Variants in PLCB1 observed in about 807,000 individuals in gnomAD.
PLCB1 encodes the protein phospholipase C beta 1.
Under a neutral mutation model 161.8 loss-of-function variants are expected in PLCB1, and 46 were observed. The ratio of observed to expected loss-of-function variants is 0.28; its 90% CI spans 0.22 to 0.36. The LOEUF is 0.36. PLCB1 is among the 10% of genes least tolerant of loss of function. The pLI is 1.00. For missense variants in PLCB1, 1,016 were observed against 1,472.5 expected (o/e 0.69, Z 5.07); for synonymous variants, 517 against 503.7 (o/e 1.03, Z -0.35).
chr20:8,634,892 T>C (rs1052623652), intron 4 of PLCB1, among the ~76,000 whole-genome samples: 1 of 152,194 alleles, frequency 6.6e-6, no homozygotes, highest in Non-Finnish European at 1.5e-5. Context: ...TTGTGATTCT[T>C]CTACCTTTAC....
At chr20:8,643,753 C>CCCTCTCCCTCTCCCTCTCCCTCTCCCTT (rs1989032534) in intron 4 of PLCB1, among the ~76,000 whole-genome samples, 2 of 135,156 alleles carry the variant, frequency 1.5e-5, no homozygotes, top group African/African-American at 2.7e-5. Flanking sequence ...CCCTCTCCCT[C>CCCTCTCCCTCTCCCTCTCCCTCTCCCTT]TCCCTCTCCC....
chr20:8,561,275 T>G (rs1986130870), intron 3 of PLCB1, among the ~76,000 whole-genome samples: 1 of 152,012 alleles, frequency 6.6e-6, no homozygotes, highest in South Asian at 2.1e-4. Context: ...ATTAATATTT[T>G]CTATTGTAAA....
At chr20:8,533,556 C>A (rs1238553048) in intron 3 of PLCB1, among the ~76,000 whole-genome samples, 1 of 151,910 alleles carries the variant, frequency 6.6e-6, no homozygotes, top group Non-Finnish European at 1.5e-5. Flanking sequence ...GATTGCCATT[C>A]TAACTGGTGT....
intron 31 of PLCB1, among the ~76,000 whole-genome samples, chr20:8,828,446 G>T (rs576288709): frequency 1.3e-5 from 2 of 152,208 alleles, no homozygotes; most frequent in South Asian, 4.2e-4. Context: ...TAAGACAATG[G>T]AAAATTATTT....
intron 3 of PLCB1, among the ~76,000 whole-genome samples, chr20:8,456,327 G>A (rs1338251259): frequency 1.3e-5 from 2 of 152,198 alleles, no homozygotes; most frequent in Non-Finnish European, 2.9e-5. Context: ...CTTGTACCCA[G>A]CAGTGTTAAG....
chr20:8,426,023 C>G (rs984212187), intron 3 of PLCB1, among the ~76,000 whole-genome samples: 1 of 152,188 alleles, frequency 6.6e-6, no homozygotes, highest in African/African-American at 2.4e-5. Context: ...TATGGTGACA[C>G]TTTTCTGGCA....
At chr20:8,364,314 A>G (rs148711528) in intron 2 of PLCB1, among the ~76,000 whole-genome samples, 23 of 152,350 alleles carry the variant, frequency 1.5e-4, no homozygotes, top group African/African-American at 5.5e-4. Flanking sequence ...CTTGCCAATA[A>G]CATTGGGCCA....
chr20:8,308,823 T>A (rs1177969616), intron 2 of PLCB1, among the ~76,000 whole-genome samples: 1 of 151,932 alleles, frequency 6.6e-6, no homozygotes, highest in Non-Finnish European at 1.5e-5. Context: ...GTAATAATAA[T>A]AAAAAATAAT....
intron 2 of PLCB1, among the ~76,000 whole-genome samples, chr20:8,286,410 T>C (rs530755356): frequency 1.3e-5 from 2 of 152,342 alleles, no homozygotes; most frequent in East Asian, 3.9e-4. Flanking sequence ...GATTCCTGAT[T>C]TCTCATATTA....
chr20:8,164,719 T>A (rs887953051), intron 2 of PLCB1, among the ~76,000 whole-genome samples: 4 of 152,192 alleles, frequency 2.6e-5, no homozygotes, highest in Non-Finnish European at 4.4e-5. Flanking sequence ...CTTGTTCCCA[T>A]GAAAGAAGAT....
At chr20:8,632,035 C>CTTTTTTTTTTTTT (rs34028351) in intron 4 of PLCB1, among the ~76,000 whole-genome samples, 9 of 45,992 alleles carry the variant, frequency 2.0e-4, no homozygotes, top group East Asian at 7.7e-4. Flanking sequence ...GTTTTTTTTG[C>CTTTTTTTTTTTTT]TTTTTTTTTT....
rs568807663 is a variant in PLCB1, at chr20:8,138,208, A to T, written c.99+5458A>T. Among the ~76,000 whole-genome samples the T allele has an allele frequency of 1.9e-4, 29 of 152,384 alleles. No individual in the cohort carries two copies. In the South Asian group the frequency reaches 5.6e-3, roughly 29 times the overall value. On this transcript the variant is annotated intron_variant, in intron 1 of 31. Transcript: ENST00000338037. Reference sequence around the variant, plus strand: ...CCTATGGTGAATGAGGATAATTTGCAGTGGCTATTAGTTTCATTTGAAAGT... The same window carrying T: ...CCTATGGTGAATGAGGATAATTTGCTGTGGCTATTAGTTTCATTTGAAAGT...
intron 4 of PLCB1, among the ~76,000 whole-genome samples, chr20:8,637,281 AT>A (rs1250312187): frequency 1.3e-5 from 2 of 152,242 alleles, no homozygotes; most frequent in African/African-American, 4.8e-5. Flanking sequence ...CTTTTTGAAA[AT>A]ACCTTGCTAG....
At position 8,698,532 on chromosome 20, in the gene PLCB1, A is replaced by C. The variant is rs1041813115; in HGVS notation, c.1167+749A>C. The stretch of plus-strand genomic sequence containing the variant: ...ATGTAAGATTCCATTCTGTGATGCT[A>C]TCTTTTGGAATGTTGACGTCTATCA... On this transcript the variant is annotated intron_variant, in intron 11 of 31. Transcript: ENST00000338037. Among the ~76,000 whole-genome samples, 16 of 152,292 alleles carry C rather than the reference A, an allele frequency of 1.1e-4. No individual in the cohort carries two copies. The South Asian group carries it at 2.7e-3, about 26-fold the overall frequency.
chr20:8,415,106 T>C (rs2122524449), intron 3 of PLCB1, among the ~76,000 whole-genome samples: 1 of 152,350 alleles, frequency 6.6e-6, no homozygotes, highest in East Asian at 1.9e-4. Flanking sequence ...AGAGGAGTCC[T>C]TGATGCAATA....
intron 3 of PLCB1, among the ~76,000 whole-genome samples, chr20:8,549,869 C>T (rs1292755684): frequency 6.6e-6 from 1 of 152,128 alleles, no homozygotes; most frequent in Non-Finnish European, 1.5e-5. Context: ...ACCACACCCG[C>T]GGAGATCTGA....
chr20:8,875,308 G>T (rs1466118954), intron 31 of PLCB1, among the ~76,000 whole-genome samples: 1 of 149,618 alleles, frequency 6.7e-6, no homozygotes, highest in Non-Finnish European at 1.5e-5. Flanking sequence ...TATACTTTTG[G>T]CACATTCTCC....
chr20:8,857,433 T>C (rs1233656981), intron 31 of PLCB1, among the ~76,000 whole-genome samples: 8 of 152,242 alleles, frequency 5.3e-5, no homozygotes. Context: ...TCCATGAATG[T>C]ATCGCACTTA....
chr20:8,734,058 G>A (rs2123503620), intron 19 of PLCB1, among the ~76,000 whole-genome samples: 1 of 144,332 alleles, frequency 6.9e-6, no homozygotes, highest in South Asian at 2.2e-4. Flanking sequence ...AACCTGGGAG[G>A]TGGAGCTTGC....
Sources: allele counts gnomAD v4.1 joint callset (sites outside exome capture counted in the v4.1 genomes callset), GRCh38; gene constraint gnomAD v4.1.1; transcripts MANE v1.5; gene names NCBI Gene and HGNC (gene_info 2026-07-23, HGNC 2026-07-21).